CEP85L: variants seen among roughly 807,000 people sequenced by gnomAD.
CEP85L encodes the protein centrosomal protein 85L.
Under a neutral mutation model 100.3 loss-of-function variants are expected in CEP85L, and 60 were observed. The ratio of observed to expected loss-of-function variants is 0.60; its 90% CI spans 0.49 to 0.74. CEP85L has a LOEUF of 0.74. Ranked by LOEUF, CEP85L falls within the 30% of genes least tolerant of loss-of-function variation. CEP85L has a pLI of 0.00. For synonymous variants in CEP85L, 319 were observed against 322.7 expected (o/e 0.99, Z 0.12); for missense variants, 973 against 936.2 (o/e 1.04, Z -0.51).
chr6:118,542,844 C>G (rs940902065), intron 3 of CEP85L, among the ~76,000 whole-genome samples: 2 of 144,090 alleles, frequency 1.4e-5, no homozygotes, highest in African/African-American at 5.1e-5. Flanking sequence ...AAGAATGGAG[C>G]CACTCCTGCT....
chr6:118,570,415 A>G (rs1360545047), intron 2 of CEP85L, among the ~76,000 whole-genome samples: 1 of 152,178 alleles, frequency 6.6e-6, no homozygotes, highest in African/African-American at 2.4e-5. Flanking sequence ...TGTATCCAGT[A>G]ATGGGCTACT....
intron 2 of CEP85L, among the ~76,000 whole-genome samples, chr6:118,623,430 C>T (rs373604391): frequency 7.9e-5 from 12 of 152,278 alleles, no homozygotes; most frequent in African/African-American, 2.4e-4. Context: ...TTCCTATATT[C>T]GGACTTCCCC....
chr6:118,532,932 C>A (rs961106469), intron 3 of CEP85L, among the ~76,000 whole-genome samples: 2 of 152,076 alleles, frequency 1.3e-5, no homozygotes, highest in African/African-American at 4.8e-5. Context: ...AAACAACACA[C>A]TTCTAAATAA....
chr6:118,491,194 TATACACAC>T (rs762011293), intron 6 of CEP85L, among the ~76,000 whole-genome samples: 6,207 of 81,238 alleles, frequency 0.076, 225 homozygotes, highest in Middle Eastern at 0.21. Context: ...TACCAACATC[TATACACAC>T]ACACACACAC....
At position 118,566,327 on chromosome 6, in the gene CEP85L, A is replaced by C. The variant is rs1233429476; in HGVS notation, c.233-11T>G. On this transcript the variant is annotated splice_polypyrimidine_tract_variant and intron_variant, in intron 2 of 12. Transcript: ENST00000368491. Reference sequence around the variant, plus strand: ...TTGAAGTTGAATGATCTGGAAAGAAAAAAGATGGTCAAATTAGTTACAATT... The same window carrying C: ...TTGAAGTTGAATGATCTGGAAAGAACAAAGATGGTCAAATTAGTTACAATT... The C allele has an allele frequency of 1.3e-6, 2 of 1,598,520 alleles. No homozygotes were observed. Among genetic ancestry groups the C allele is most frequent in the Admixed American group, 1.7e-5 (1 of 58,088 alleles).
chr6:118,648,432 C>T (rs1015872879), intron 1 of CEP85L, among the ~76,000 whole-genome samples: 2 of 151,878 alleles, frequency 1.3e-5, no homozygotes, highest in East Asian at 3.9e-4. Context: ...AAAAAAATTT[C>T]TTCTGATTTT....
intron 1 of CEP85L, among the ~76,000 whole-genome samples, chr6:118,704,029 C>T (rs1369960473): frequency 1.3e-5 from 2 of 152,042 alleles, no homozygotes; most frequent in Non-Finnish European, 2.9e-5. Flanking sequence ...AACATGGTAG[C>T]CCTTTTAAGA....
chr6:118,670,911 T>C (rs763733440), intron 1 of CEP85L, among the ~76,000 whole-genome samples: 60 of 151,768 alleles, frequency 4.0e-4, no homozygotes, highest in Admixed American at 8.5e-4. Flanking sequence ...CTTTTGGTGC[T>C]GAGGATACTG....
At chr6:118,467,945 T>C (rs938215948) in intron 12 of CEP85L, among the ~76,000 whole-genome samples, 2 of 152,202 alleles carry the variant, frequency 1.3e-5, no homozygotes, top group African/African-American at 2.4e-5. Flanking sequence ...ATAGCACCTA[T>C]CAGAATGCTC....
rs543347113 is a variant in CEP85L at position 118,612,994 on chromosome 6, G to A, written c.232+19459C>T. ...AGCACTTTGGGAGGTCGAGGCGGGC[G>A]GATCGCCTGAAGTCAGGAGTTTGAG... On this transcript the variant is annotated intron_variant, in intron 2 of 12. Transcript: ENST00000368491. Among the ~76,000 whole-genome samples, 204 of 151,998 alleles carry A rather than the reference G, an allele frequency of 1.3e-3. 4 individuals carry two copies. The South Asian group carries it at 0.02, about 15-fold the overall frequency.
intron 8 of CEP85L, 25 bp from the exon 9 acceptor site, chr6:118,480,538 A>G (rs1312293443): frequency 4.2e-6 from 6 of 1,414,684 alleles, no homozygotes; most frequent in African/African-American, 1.4e-5. Flanking sequence ...AATTATATGA[A>G]GAAAATAAGC....
At chr6:118,687,342 C>T (rs1033613487) in intron 1 of CEP85L, among the ~76,000 whole-genome samples, 1 of 152,216 alleles carries the variant, frequency 6.6e-6, no homozygotes, top group Admixed American at 6.5e-5. Context: ...TCTCCTGCCT[C>T]AGCCTCCCAA....
In CEP85L at chr6:118,492,865, G is replaced by A. The variant is rs1164365513; in HGVS notation, c.1258-1000C>T. On this transcript the variant is annotated intron_variant, in intron 5 of 12. Coordinates refer to ENST00000368491, the MANE Select transcript of CEP85L (RefSeq NM_001042475.3). ...GGGAGGGTGTTACAGAAGTAAATTT[G>A]AACTAGGCCTTGAAGAACTGATACT... is the stretch of plus-strand genomic sequence containing the variant. Among the ~76,000 whole-genome samples the A allele has an allele frequency of 2.6e-5, 4 of 152,178 alleles. No individual in the cohort carries two copies. In the South Asian group the frequency reaches 8.3e-4, roughly 32 times the overall value.
rs1554228039 is a variant in CEP85L at position 118,600,300 on chromosome 6, G to GTGTGTGTGTGT, written c.232+32152_232+32153insACACACACACA. Among the ~76,000 whole-genome samples, 177 of 52,240 alleles carry GTGTGTGTGTGT rather than the reference G, an allele frequency of 3.4e-3. 35 individuals carry two copies. The highest frequency in any genetic ancestry group is 4.1e-3 in the Admixed American group (20 of 4,836). The allele number at this position is 52,240 out of a possible 152,430, so 34.3% of individuals were successfully genotyped here. ...CTGCCTGTCCCTGAGCCTTCCTGGG[G>GTGTGTGTGTGT]GTGTGTGTGTGTGTGTGTGTGTGTG... On this transcript the variant is annotated intron_variant, in intron 2 of 12. Coordinates refer to ENST00000368491, the MANE Select transcript of CEP85L (RefSeq NM_001042475.3).
intron 5 of CEP85L, among the ~76,000 whole-genome samples, chr6:118,500,583 C>T (rs1432109137): frequency 7.5e-6 from 1 of 132,638 alleles, no homozygotes; most frequent in Non-Finnish European, 1.7e-5. Flanking sequence ...GCTGAAAAAG[C>T]TCAAGGACCC....
chr6:118,612,737 AAAAG>A (rs1772730550), intron 2 of CEP85L, among the ~76,000 whole-genome samples: 1 of 151,362 alleles, frequency 6.6e-6, no homozygotes, highest in Admixed American at 6.6e-5. Context: ...AACCTAGAAA[AAAAG>A]AAGAGTTCAA....
intron 6 of CEP85L, among the ~76,000 whole-genome samples, chr6:118,485,143 C>T (rs1774085241): frequency 6.6e-6 from 1 of 152,132 alleles, no homozygotes; most frequent in Non-Finnish European, 1.5e-5. Flanking sequence ...CTATAAATTT[C>T]ATATCTCATA....
At chr6:118,469,370 G>GT (rs1234971819) in intron 11 of CEP85L, 67 bp from the exon 12 acceptor site, 1 of 1,222,334 alleles carries the variant, frequency 8.2e-7, no homozygotes, top group Non-Finnish European at 1.2e-6. Context: ...AGCCATACAG[G>GT]TTAACATTCT....
At chr6:118,641,331 TC>T (rs1306477620) in intron 1 of CEP85L, among the ~76,000 whole-genome samples, 1 of 152,184 alleles carries the variant, frequency 6.6e-6, no homozygotes, top group African/African-American at 2.4e-5. Context: ...ATCTCTATGA[TC>T]TGCAAAGTGA....
Sources: gnomAD v4.1 joint callset for allele counts (sites outside exome capture counted in the v4.1 genomes callset) on GRCh38, gnomAD v4.1.1 for gene constraint, MANE v1.5 for transcripts, NCBI Gene and HGNC (gene_info 2026-07-23, HGNC 2026-07-21) for gene names.